PRR16: variants seen among roughly 807,000 people sequenced by gnomAD.
The protein encoded by PRR16 is protein Largen.
Under a neutral mutation model 18.2 loss-of-function variants are expected in PRR16, and 6 were observed. The observed-to-expected ratio is 0.33, with a 90% CI of 0.18 to 0.65. The LOEUF is 0.65. Ranked by LOEUF, PRR16 falls within the 30% of genes least tolerant of loss-of-function variation. The pLI is 0.74. For missense variants in PRR16, 412 were observed against 376.6 expected (o/e 1.09, Z -0.78); for synonymous variants, 151 against 147.8 (o/e 1.02, Z -0.16).
At chr5:120,751,928 C>G in the PRR16 span, among the ~76,000 whole-genome samples, 6 of 152,014 alleles carry the variant, frequency 3.9e-5, no homozygotes, top group African/African-American at 1.4e-4. Flanking sequence ...ATATTAAACT[C>G]CAGTAACTTC....
chr5:120,548,812 A>AGGAAT (rs1554082435), intron 1 of PRR16, among the ~76,000 whole-genome samples: 2 of 152,074 alleles, frequency 1.3e-5, no homozygotes, highest in African/African-American at 2.4e-5. Context: ...GATATACACC[A>AGGAAT]CTGCGTGACT....
chr5:120,521,409 A>G (rs928625238), intron 1 of PRR16, among the ~76,000 whole-genome samples: 3 of 152,144 alleles, frequency 2.0e-5, no homozygotes, highest in Non-Finnish European at 4.4e-5. Context: ...CTAATGGGAT[A>G]TGTGTACTTT....
intron 1 of PRR16, among the ~76,000 whole-genome samples, chr5:120,564,265 C>G (rs1183162879): frequency 6.6e-6 from 1 of 152,060 alleles, no homozygotes; most frequent in Non-Finnish European, 1.5e-5. Flanking sequence ...CTGGTGTCTC[C>G]TTAAGTCATA....
chr5:120,571,785 G>A (rs1307059819), intron 1 of PRR16, among the ~76,000 whole-genome samples: 1 of 152,120 alleles, frequency 6.6e-6, no homozygotes, highest in African/African-American at 2.4e-5. Context: ...ATGGGTGAAG[G>A]ACATGGGCTG....
chr5:120,530,281 ATATTTATTTATTTATT>A (rs1280890843), intron 1 of PRR16, among the ~76,000 whole-genome samples: 5 of 92,686 alleles, frequency 5.4e-5, no homozygotes, highest in African/African-American at 1.7e-4. Flanking sequence ...ATATATATAT[ATATTTATTTATTTATT>A]TATTTATTTA....
At chr5:120,711,396 C>G in the PRR16 span, among the ~76,000 whole-genome samples, 1 of 152,030 alleles carries the variant, frequency 6.6e-6, no homozygotes, top group Non-Finnish European at 1.5e-5. Flanking sequence ...TGGTGATTAA[C>G]TATTGGTTGG....
chr5:120,696,127 A>T, the PRR16 span, among the ~76,000 whole-genome samples: 1 of 152,082 alleles, frequency 6.6e-6, no homozygotes, highest in Non-Finnish European at 1.5e-5. Context: ...CTGTAGTCCC[A>T]ACTACTCAGG....
intron 1 of PRR16, among the ~76,000 whole-genome samples, chr5:120,476,177 C>T (rs1032408566): frequency 2.0e-5 from 3 of 152,094 alleles, no homozygotes; most frequent in Non-Finnish European, 4.4e-5. Context: ...TTGGGCCAGT[C>T]CCCTGCTTAA....
chr5:120,733,141 T>C, the PRR16 span, among the ~76,000 whole-genome samples: 3 of 152,094 alleles, frequency 2.0e-5, no homozygotes, highest in Admixed American at 1.3e-4. Flanking sequence ...TGGAGTTGTA[T>C]ATCCATTTGT....
chr5:120,628,856 C>T (rs915687558), intron 1 of PRR16, among the ~76,000 whole-genome samples: 1 of 151,896 alleles, frequency 6.6e-6, no homozygotes, highest in Admixed American at 6.6e-5. Context: ...TATGTAACTC[C>T]TGAATATGTC....
the PRR16 span, among the ~76,000 whole-genome samples, chr5:120,736,043 A>C: frequency 6.6e-6 from 1 of 152,160 alleles, no homozygotes; most frequent in African/African-American, 2.4e-5. Context: ...GTGGATACTC[A>C]ATTTTCTCAG....
chr5:120,739,805 T>G, the PRR16 span, among the ~76,000 whole-genome samples: 3 of 152,296 alleles, frequency 2.0e-5, no homozygotes, highest in East Asian at 5.8e-4. Flanking sequence ...TGTTTCATAT[T>G]TTTAGCCTTC....
At chr5:120,470,608 T>A (rs922332579) in intron 1 of PRR16, among the ~76,000 whole-genome samples, 3 of 152,212 alleles carry the variant, frequency 2.0e-5, no homozygotes, top group African/African-American at 7.2e-5. Context: ...TTCCAGCTTT[T>A]CATGGTTATT....
At chr5:120,613,841 G>A (rs1212048274) in intron 1 of PRR16, among the ~76,000 whole-genome samples, 1 of 152,176 alleles carries the variant, frequency 6.6e-6, no homozygotes, top group Admixed American at 6.5e-5. Context: ...GCCCTCTGCT[G>A]TTTAGCCTAA....
chr5:120,590,037 A>T (rs1192542709), intron 1 of PRR16, among the ~76,000 whole-genome samples: 1 of 152,164 alleles, frequency 6.6e-6, no homozygotes, highest in South Asian at 2.1e-4. Context: ...TGATGTACTT[A>T]TTAGGACCTG....
the PRR16 span, among the ~76,000 whole-genome samples, chr5:120,782,816 AT>A: frequency 6.6e-6 from 1 of 152,138 alleles, no homozygotes; most frequent in Admixed American, 6.5e-5. Context: ...GTTAATGTAT[AT>A]AACTGTCTGA....
chr5:120,571,569 G>A (rs183940600), intron 1 of PRR16, among the ~76,000 whole-genome samples: 16 of 152,192 alleles, frequency 1.1e-4, no homozygotes, highest in African/African-American at 3.4e-4. Flanking sequence ...TTTTTAAAGG[G>A]TTACTCTGGA....
chr5:120,787,223 T>C, the PRR16 span, among the ~76,000 whole-genome samples: 1 of 152,158 alleles, frequency 6.6e-6, no homozygotes, highest in South Asian at 2.1e-4. Context: ...AAATGTGGTT[T>C]AAAAATTTGT....
At chr5:120,772,569 G>A in the PRR16 span, among the ~76,000 whole-genome samples, 1 of 145,510 alleles carries the variant, frequency 6.9e-6, no homozygotes, top group Non-Finnish European at 1.5e-5. Context: ...CATTTTAAAA[G>A]CTACTAACTT....
Sources: gnomAD v4.1 joint callset for allele counts (sites outside exome capture counted in the v4.1 genomes callset) on GRCh38, gnomAD v4.1.1 for gene constraint, MANE v1.5 for transcripts, NCBI Gene and HGNC (gene_info 2026-07-23, HGNC 2026-07-21) for gene names.